The following PCDH11X variants were observed in gnomAD, a reference collection of about 807,000 sequenced individuals.
PCDH11X encodes protocadherin-11 X-linked.
A neutral mutation model predicts 53.3 loss-of-function variants in PCDH11X; 18 were observed. The ratio of observed to expected loss-of-function variants is 0.34; its 90% confidence interval spans 0.23 to 0.50. PCDH11X has a LOEUF of 0.50. Ranked by LOEUF, PCDH11X falls within the 20% of genes least tolerant of loss-of-function variation. PCDH11X has a pLI of 0.98. For missense variants in PCDH11X, 570 were observed against 1,032.4 expected (o/e 0.55, Z 6.14); for synonymous variants, 279 against 393.3 (o/e 0.71, Z 3.44).
At chrX:91,866,716 A>AT (rs1939012619) in intron 5 of PCDH11X, among the ~76,000 whole-genome samples, 2 of 109,449 alleles carry the variant, frequency 1.8e-5, no homozygotes, top group Non-Finnish European at 3.8e-5. Context: ...TGCTCACCTG[A>AT]TTTTTTCATT....
chrX:91,813,551 T>G (rs1326679263), intron 4 of PCDH11X, among the ~76,000 whole-genome samples: 1 of 105,569 alleles, frequency 9.5e-6, no homozygotes, highest in African/African-American at 3.8e-5. Context: ...GAAAGATATT[T>G]CTTAGAAGCA....
intron 6 of PCDH11X, among the ~76,000 whole-genome samples, chrX:92,068,658 G>A (rs769549834): frequency 8.2e-5 from 9 of 109,371 alleles, no homozygotes; most frequent in Admixed American, 2.0e-4. Context: ...TCCAGCCTCC[G>A]TCTCCCAAGT....
intron 6 of PCDH11X, among the ~76,000 whole-genome samples, chrX:91,905,090 C>CT (rs941804632): frequency 3.1e-5 from 3 of 96,029 alleles, no homozygotes; most frequent in Non-Finnish European, 6.2e-5. Context: ...TTATTTTTTA[C>CT]TTTTTTGTTT....
intron 6 of PCDH11X, among the ~76,000 whole-genome samples, chrX:91,972,740 T>C (rs2061982298): frequency 9.1e-6 from 1 of 109,302 alleles, no homozygotes; most frequent in Admixed American, 9.8e-5. Flanking sequence ...CTCAGGTTTG[T>C]CAAAGATCAG....
rs1288623746 is a variant in PCDH11X at position 92,452,498 on chromosome X, TG to T, written c.3344-15800del. On this transcript the variant is annotated intron_variant, in intron 9 of 10. Transcript: ENST00000682573. ...ATATATATATATATATATATATATA[TG>T]TTTTTTTTTTTTTTTTTGAGATGGA... Among the ~76,000 whole-genome samples the T allele has an allele frequency of 2.7e-3, 121 of 44,303 alleles. 1 individual carries two copies. Among genetic ancestry groups the T allele is most frequent in the African/African-American group, 4.6e-3 (21 of 4,540 alleles). 38.5% of individuals were successfully genotyped at this position (44,303 alleles called of 115,157 possible).
At chrX:92,281,627 C>T (rs747459037) in intron 8 of PCDH11X, among the ~76,000 whole-genome samples, 4 of 111,419 alleles carry the variant, frequency 3.6e-5, no homozygotes, top group Non-Finnish European at 7.5e-5. Context: ...AGGTATGGAG[C>T]TGTAATCTCC....
intron 8 of PCDH11X, among the ~76,000 whole-genome samples, chrX:92,370,204 A>G (rs1156944201): frequency 3.6e-5 from 4 of 110,758 alleles, no homozygotes; most frequent in Non-Finnish European, 7.6e-5. Flanking sequence ...TAATTTCCAC[A>G]TATTTCAGAA....
intron 1 of PCDH11X, among the ~76,000 whole-genome samples, chrX:91,806,675 G>A (rs1275268566): frequency 8.9e-6 from 1 of 112,307 alleles, no homozygotes; most frequent in Non-Finnish European, 1.9e-5. Flanking sequence ...AGGGATAACA[G>A]GCAAACTGGA....
intron 6 of PCDH11X, among the ~76,000 whole-genome samples, chrX:92,133,965 A>G (rs1420927774): frequency 9.0e-6 from 1 of 111,664 alleles, no homozygotes; most frequent in Non-Finnish European, 1.9e-5. Context: ...CTATCAATAT[A>G]TGTAAGATAT....
intron 10 of PCDH11X, among the ~76,000 whole-genome samples, chrX:92,564,701 G>A (rs1167313450): frequency 1.8e-5 from 2 of 111,593 alleles, no homozygotes; most frequent in African/African-American, 3.3e-5. Flanking sequence ...CCAAGACATT[G>A]ATCTGTGCAG....
intron 8 of PCDH11X, among the ~76,000 whole-genome samples, chrX:92,326,267 C>T (rs1001378879): frequency 8.3e-5 from 9 of 109,054 alleles, no homozygotes; most frequent in Non-Finnish European, 1.3e-4. Context: ...ATGGTAGACT[C>T]GGGGTAATCA....
intron 6 of PCDH11X, among the ~76,000 whole-genome samples, chrX:92,142,645 A>C (rs973418296): frequency 9.0e-6 from 1 of 110,587 alleles, no homozygotes; most frequent in Non-Finnish European, 1.9e-5. Context: ...CTACTTGTGA[A>C]TTACAGTCGC....
At chrX:92,608,548 C>G (rs1927050685) in intron 10 of PCDH11X, among the ~76,000 whole-genome samples, 1 of 109,969 alleles carries the variant, frequency 9.1e-6, no homozygotes, top group Admixed American at 9.8e-5. Context: ...ACATAATTTT[C>G]AAAATTATGT....
At chrX:92,254,572 C>T (rs1194830569) in intron 7 of PCDH11X, among the ~76,000 whole-genome samples, 11 of 109,199 alleles carry the variant, frequency 1.0e-4, no homozygotes, top group Non-Finnish European at 1.5e-4. Flanking sequence ...TTTGCAGCGG[C>T]TGGTACCGGT....
chrX:92,614,535 A>G (rs989173670), intron 10 of PCDH11X, among the ~76,000 whole-genome samples: 9 of 110,010 alleles, frequency 8.2e-5, no homozygotes, highest in African/African-American at 2.7e-4. Context: ...GGCTAGGTAT[A>G]TACATGATCC....
At chrX:92,293,468 C>CA (rs1359777388) in intron 8 of PCDH11X, among the ~76,000 whole-genome samples, 1 of 109,314 alleles carries the variant, frequency 9.1e-6, no homozygotes, top group African/African-American at 3.4e-5. Context: ...ACAAAAAATA[C>CA]AAAAAATTAG....
At chrX:92,110,378 C>A (rs767611246) in intron 6 of PCDH11X, among the ~76,000 whole-genome samples, 37 of 107,363 alleles carry the variant, frequency 3.4e-4, no homozygotes, top group Non-Finnish European at 2.3e-4. Flanking sequence ...CACTGTCAAC[C>A]GAGGAAAATG....
At chrX:92,036,954 C>T (rs35005393) in intron 6 of PCDH11X, among the ~76,000 whole-genome samples, 2 of 111,625 alleles carry the variant, frequency 1.8e-5, no homozygotes, top group Admixed American at 9.5e-5. Context: ...AGGGGACTGG[C>T]GGTATTTTGC....
At chrX:92,303,961 T>C (rs2068774032) in intron 8 of PCDH11X, among the ~76,000 whole-genome samples, 1 of 111,616 alleles carries the variant, frequency 9.0e-6, no homozygotes, top group Non-Finnish European at 1.9e-5. Flanking sequence ...TATTTTATTT[T>C]GGAAGAATAA....
Sources: gnomAD v4.1 joint callset for allele counts (sites outside exome capture counted in the v4.1 genomes callset) on GRCh38, gnomAD v4.1.1 for gene constraint, MANE v1.5 for transcripts, NCBI Gene and HGNC (gene_info 2026-07-23, HGNC 2026-07-21) for gene names.